The following CISTR variants were observed in gnomAD, a reference collection of about 807,000 sequenced individuals.
The protein encoded by CISTR is chondrogenesis-associated transcript, also known as chondrogenic regulator lncRNA.
chr12:53,748,582 C>T (rs566197463), intron 2 of CISTR, among the ~76,000 whole-genome samples: 22 of 152,152 alleles, frequency 1.4e-4, no homozygotes, highest in African/African-American at 5.1e-4. Flanking sequence ...ACAGAAAGAT[C>T]GAAGACTCAC....
chr12:53,753,058 A>G (rs879530021), intron 1 of CISTR, among the ~76,000 whole-genome samples: 2 of 118,560 alleles, frequency 1.7e-5, no homozygotes, highest in Non-Finnish European at 4.0e-5. Flanking sequence ...TACATCACAC[A>G]CACACACACA....
intron 2 of CISTR, among the ~76,000 whole-genome samples, chr12:53,749,020 A>G (rs181288087): frequency 3.3e-5 from 5 of 151,718 alleles, no homozygotes; most frequent in Admixed American, 3.3e-4. Flanking sequence ...GGCAATTCCA[A>G]GCTCTTCAAA....
At chr12:53,755,902 T>TC (rs977688267) in intron 1 of CISTR, 2 of 152,404 alleles carry the variant, frequency 1.3e-5, no homozygotes, top group African/African-American at 4.8e-5. Flanking sequence ...CCATATGCTT[T>TC]CCCCAGCACC....
exon 3 of CISTR, among the ~76,000 whole-genome samples, chr12:53,746,628 G>A (rs1294911578): frequency 6.6e-6 from 1 of 152,192 alleles, no homozygotes; most frequent in African/African-American, 2.4e-5. Flanking sequence ...GGGATGCAAG[G>A]ATTCCTGAAT....
intron 2 of CISTR, among the ~76,000 whole-genome samples, chr12:53,747,288 G>C (rs1258696305): frequency 6.6e-6 from 1 of 152,190 alleles, no homozygotes; most frequent in African/African-American, 2.4e-5. Flanking sequence ...CATGATGGAG[G>C]GAGATGGCAT....
At chr12:53,755,591 G>T (rs903283968) in intron 1 of CISTR, among the ~76,000 whole-genome samples, 1 of 103,182 alleles carries the variant, frequency 9.7e-6, no homozygotes, top group Non-Finnish European at 1.8e-5. Flanking sequence ...CCAGCTCCTG[G>T]CTTTAATTAC....
chr12:53,750,514 AGAGTGTGT>A (rs1937835671), exon 2 of CISTR: 1 of 152,496 alleles, frequency 6.6e-6, no homozygotes, highest in African/African-American at 2.4e-5. Flanking sequence ...CGTGTCAGGT[AGAGTGTGT>A]GAGTGTGTGT....
In CISTR at chr12:53,751,323, A is replaced by G. The variant is rs759539519; in HGVS notation, n.415-358T>C. Among the ~76,000 whole-genome samples the G allele has an allele frequency of 2.0e-5, 3 of 151,986 alleles. No individual in the cohort carries two copies. Among genetic ancestry groups the G allele is most frequent in the Non-Finnish European group, 4.4e-5 (3 of 67,976 alleles). On this transcript the variant is annotated intron_variant and non_coding_transcript_variant, in intron 1 of 2. Coordinates refer to ENST00000669269, the Ensembl canonical transcript of CISTR. This position sits in a 1 kb window ranked among gnomAD's most constrained non-coding sequence, Gnocchi z 4.6. Reference sequence around the variant, plus strand: ...CACTCGGACCTCGGAGCCAATCGCCAGAGATCTAATGGCTCCTTTGGCAGT... The same window carrying G: ...CACTCGGACCTCGGAGCCAATCGCCGGAGATCTAATGGCTCCTTTGGCAGT...
intron 1 of CISTR, among the ~76,000 whole-genome samples, chr12:53,752,814 A>C (rs188610545): frequency 9.6e-4 from 146 of 152,350 alleles, no homozygotes; most frequent in African/African-American, 3.5e-3. Context: ...TGCAGAACAA[A>C]GGAAACCATG....
intron 2 of CISTR, among the ~76,000 whole-genome samples, chr12:53,749,111 T>G (rs1593109726): frequency 6.7e-6 from 1 of 150,272 alleles, no homozygotes; most frequent in African/African-American, 2.5e-5. Flanking sequence ...TATGGTGGGG[T>G]GTAGGGGAGA....
chr12:53,753,464 C>T (rs1330901420), intron 1 of CISTR, among the ~76,000 whole-genome samples: 3 of 152,078 alleles, frequency 2.0e-5, no homozygotes, highest in South Asian at 2.1e-4. Context: ...AATGACCAAA[C>T]AAGAAAGGGT....
intron 1 of CISTR, among the ~76,000 whole-genome samples, chr12:53,753,097 GAC>G (rs1307742072): frequency 7.0e-5 from 8 of 114,010 alleles, no homozygotes; most frequent in African/African-American, 1.1e-4. Context: ...CACAGAGAGA[GAC>G]ACACGTGTCC....
exon 3 of CISTR, among the ~76,000 whole-genome samples, chr12:53,746,809 A>C (rs1207897974): frequency 6.6e-6 from 1 of 152,122 alleles, no homozygotes; most frequent in Non-Finnish European, 1.5e-5. Context: ...ATCGCTGCTG[A>C]GAAGATTCCG....
chr12:53,752,450 C>CAA (rs1937865237), intron 1 of CISTR, among the ~76,000 whole-genome samples: 1 of 152,210 alleles, frequency 6.6e-6, no homozygotes, highest in South Asian at 2.1e-4. Context: ...CAGCCCTGGG[C>CAA]CTCACCATGT....
At chr12:53,755,356 T>G (rs79841679) in intron 1 of CISTR, among the ~76,000 whole-genome samples, 1 of 150,072 alleles carries the variant, frequency 6.7e-6, no homozygotes, top group East Asian at 1.9e-4. Flanking sequence ...AGGAAATGTG[T>G]TGTTGGAGAT....
Position 53,751,506 on chromosome 12 carries a change from T to A in CISTR, n.415-541A>T, listed in dbSNP as rs1169873123. ...ACGCAGCGCGGTGGAACGTTTTAAT[T>A]AGGCCTGAACAATAAACAAGCTAAA... On this transcript the variant is annotated intron_variant and non_coding_transcript_variant, in intron 1 of 2. Transcript: ENST00000669269. The surrounding 1 kb of genome is among the most constrained non-coding windows in gnomAD (Gnocchi z 4.6). Among the ~76,000 whole-genome samples the A allele has an allele frequency of 6.6e-6, 1 of 151,960 alleles. No homozygotes were observed. The highest frequency in any genetic ancestry group is 1.5e-5 in the Non-Finnish European group (1 of 67,966).
At chr12:53,750,709 C>T (rs1202403579) in exon 2 of CISTR, 1 of 153,076 alleles carries the variant, frequency 6.5e-6, no homozygotes, top group Non-Finnish European at 1.5e-5. Flanking sequence ...TGCGTTTGTT[C>T]ATTTGTGTGT....
chr12:53,753,668 GTGT>G (rs1565659682), intron 1 of CISTR, among the ~76,000 whole-genome samples: 53 of 36,552 alleles, frequency 1.4e-3, no homozygotes, highest in South Asian at 0.011. Context: ...GCATAGGGGT[GTGT>G]GTGTGTGTGT....
intron 1 of CISTR, chr12:53,754,293 C>G (rs1565659853): frequency 1.3e-5 from 2 of 152,178 alleles, no homozygotes; most frequent in Admixed American, 1.3e-4. Context: ...GATGAGGCTA[C>G]ACAAGTTAAC....
Sources: gnomAD v4.1 joint callset for allele counts (sites outside exome capture counted in the v4.1 genomes callset) on GRCh38, gnomAD v4.1.1 for gene constraint, Gnocchi (gnomAD v3.1) non-coding constraint, MANE v1.5 for transcripts, NCBI Gene and HGNC (gene_info 2026-07-23, HGNC 2026-07-21) for gene names.